RUFY4: variants seen among roughly 807,000 people sequenced by gnomAD.
RUFY4 encodes the protein RUN and FYVE domain-containing protein 4.
RUFY4 carries 73 observed loss-of-function variants against 69.0 expected under a neutral mutation model. The ratio of observed to expected loss-of-function variants is 1.06; its 90% CI spans 0.88 to 1.29. The LOEUF is 1.29. Ranked by LOEUF, RUFY4 falls within the 50% of genes most tolerant of loss-of-function variation. The pLI, the probability that RUFY4 is intolerant of heterozygous loss-of-function variation, is 0.00. For synonymous variants in RUFY4, 287 were observed against 271.8 expected, an observed-to-expected ratio of 1.06 and a Z score of -0.55; for missense variants, 770 against 705.6, an observed-to-expected ratio of 1.09 and a Z score of -1.03.
chr2:218,060,859 A>G (rs1423729767), intron 3 of RUFY4: 1 of 1,483,506 alleles, frequency 6.7e-7, no homozygotes, highest in South Asian at 1.1e-5. Context: ...TTGGATGGGT[A>G]GAAGGTCCTT....
At chr2:218,087,362 G>A (rs995148208) in intron 9 of RUFY4, among the ~76,000 whole-genome samples, 1 of 152,100 alleles carries the variant, frequency 6.6e-6, no homozygotes, top group Non-Finnish European at 1.5e-5. Context: ...CACATGTGGG[G>A]TAGTGGCTAC....
chr2:218,084,319 C>A (rs1031320289), intron 9 of RUFY4, among the ~76,000 whole-genome samples: 2 of 151,888 alleles, frequency 1.3e-5, no homozygotes, highest in Non-Finnish European at 2.9e-5. Flanking sequence ...GCAACCTCTG[C>A]GTCCCGGATT....
Position 218,072,878 on chromosome 2 carries a change from C to G in RUFY4, c.379C>G (p.Leu127Val), listed in dbSNP as rs781607906. The change falls in exon 4 of 11, where the codon CTC becomes GTC. Residue 127 changes from leucine to valine, a missense_variant. Leu to Val is a conservative substitution (Grantham distance 32). Coordinates refer to ENST00000344321, the Ensembl canonical transcript of RUFY4. ...GCAGCTTTGCCTCCTGAACTCAGAG[C>G]TCACCAGGTGGGGCTGTTGGGACAT... 1 of 1,530,488 alleles carries G rather than the reference C, an allele frequency of 6.5e-7. No individual in the cohort carries two copies. Among genetic ancestry groups the G allele is most frequent in the Non-Finnish European group, 8.7e-7 (1 of 1,143,824 alleles). The allele number at this position is 1,530,488 out of a possible 1,614,324, so 94.8% of individuals were successfully genotyped here. A position where few individuals can be genotyped will look rare whatever the true frequency, so the allele number is the denominator to read the frequency against.
At chr2:218,063,350 C>T (rs1231696472) in intron 3 of RUFY4, among the ~76,000 whole-genome samples, 2 of 152,150 alleles carry the variant, frequency 1.3e-5, no homozygotes, top group African/African-American at 2.4e-5. Context: ...CCAGGCTGGG[C>T]ACAGTCAGAA....
chr2:218,050,798 A>T (rs1030642506), intron 2 of RUFY4, among the ~76,000 whole-genome samples: 1 of 152,248 alleles, frequency 6.6e-6, no homozygotes, highest in Non-Finnish European at 1.5e-5. Context: ...TGTTTTCTGT[A>T]TATCAAACAC....
intron 3 of RUFY4, among the ~76,000 whole-genome samples, chr2:218,062,644 G>C (rs1379795017): frequency 6.6e-6 from 1 of 152,196 alleles, no homozygotes; most frequent in Non-Finnish European, 1.5e-5. Flanking sequence ...CCGGGAGGCA[G>C]GGGTTGCAGT....
intron 2 of RUFY4, among the ~76,000 whole-genome samples, chr2:218,052,465 G>A (rs1017411327): frequency 2.6e-5 from 4 of 152,048 alleles, no homozygotes; most frequent in Admixed American, 6.5e-5. Context: ...TACTCTTACC[G>A]TGTCTAATTA....
At chr2:218,049,859 T>G (rs893807495) in intron 2 of RUFY4, among the ~76,000 whole-genome samples, 1 of 152,216 alleles carries the variant, frequency 6.6e-6, no homozygotes, top group Admixed American at 6.5e-5. Context: ...GATGAATAGA[T>G]GCCTTGAGAT....
At chr2:218,062,168 G>A (rs1689211158) in intron 3 of RUFY4, among the ~76,000 whole-genome samples, 1 of 152,150 alleles carries the variant, frequency 6.6e-6, no homozygotes, top group Admixed American at 6.5e-5. Flanking sequence ...GGGAGGCCGA[G>A]GTGGGCGGAT....
chr2:218,061,027 C>A (rs749614412), intron 3 of RUFY4: 1 of 710,226 alleles, frequency 1.4e-6, no homozygotes, highest in South Asian at 1.4e-5. Context: ...AGAATACCAC[C>A]GTAGAAGTTG....
chr2:218,076,499 G>T (rs1421494173), exon 8 of RUFY4: 3 of 1,551,214 alleles, frequency 1.9e-6, no homozygotes, highest in Middle Eastern at 1.7e-4. Context: ...GGAGCAGGAG[G>T]GGGAGCTGCA....
chr2:218,060,553 T>C (rs1333277258), intron 3 of RUFY4: 2 of 1,306,832 alleles, frequency 1.5e-6, no homozygotes, highest in Non-Finnish European at 1.1e-6. Flanking sequence ...GTTGATGTCG[T>C]TGCGGCGCTC....
intron 3 of RUFY4, 52 bp downstream of exon 5, chr2:218,072,551 C>A (rs770694112): frequency 6.5e-6 from 10 of 1,527,262 alleles, no homozygotes; most frequent in Non-Finnish European, 7.9e-6. Flanking sequence ...TAGACATAGG[C>A]CTCCTCCTTT....
At position 218,083,185 on chromosome 2, in the gene RUFY4, G is replaced by C. The variant is rs377021252; in HGVS notation, c.1431G>C (p.Met477Ile). 79 of 1,613,600 alleles carry C rather than the reference G, an allele frequency of 4.9e-5. No homozygotes were observed. Among genetic ancestry groups the C allele is most frequent in the Non-Finnish European group, 6.5e-5 (77 of 1,179,752 alleles). ...AGGAGGCTGAGAGGAGGGATGCCAT[G>C]TACCAGGAGGAGCTTGGAGGGCAGC... The change falls in exon 9 of 11, where the codon ATG becomes ATC. Residue 477 changes from methionine (M) to isoleucine (I), a missense_variant. Met to Ile is a conservative substitution (Grantham distance 10). Transcript: ENST00000344321.
intron 9 of RUFY4, among the ~76,000 whole-genome samples, chr2:218,084,099 G>C (rs1174145659): frequency 6.6e-6 from 1 of 152,172 alleles, no homozygotes; most frequent in Non-Finnish European, 1.5e-5. Flanking sequence ...GATGCGGAAA[G>C]CATAGTTCCT....
At chr2:218,038,815 T>C (rs1477698112) in intron 2 of RUFY4, among the ~76,000 whole-genome samples, 1 of 152,164 alleles carries the variant, frequency 6.6e-6, no homozygotes, top group Non-Finnish European at 1.5e-5. Context: ...TTGCTGCAGC[T>C]CTAGCAGTCA....
At chr2:218,083,144 C>G in exon 9 of RUFY4, 3 of 1,613,552 alleles carry the variant, frequency 1.9e-6, no homozygotes, top group Non-Finnish European at 2.5e-6. Flanking sequence ...GCAGGCACAG[C>G]TGGAGCAGAA....
intron 2 of RUFY4, among the ~76,000 whole-genome samples, chr2:218,035,691 C>G (rs540152312): frequency 3.4e-4 from 52 of 152,192 alleles, no homozygotes; most frequent in Non-Finnish European, 6.2e-4. Flanking sequence ...GCCACAGTGT[C>G]CCCGTCTGGG....
At chr2:218,067,803 C>T (rs1410339608), upstream of RUFY4, among the ~76,000 whole-genome samples, 2 of 152,338 alleles carry the variant, frequency 1.3e-5, no homozygotes, top group South Asian at 4.1e-4. Context: ...CCATCCCAGC[C>T]CCACTGACTG....
Sources: gnomAD v4.1 joint callset for allele counts (sites outside exome capture counted in the v4.1 genomes callset) on GRCh38, gnomAD v4.1.1 for gene constraint, MANE v1.5 for transcripts, NCBI Gene and HGNC (gene_info 2026-07-23, HGNC 2026-07-21) for gene names.